The following TSPOAP1 variants were observed in gnomAD, a reference collection of about 807,000 sequenced individuals.
TSPOAP1 encodes the protein peripheral-type benzodiazepine receptor-associated protein 1.
A neutral mutation model predicts 197.0 loss-of-function variants in TSPOAP1; 87 were observed. The observed-to-expected ratio is 0.44, with a 90% CI of 0.37 to 0.53. The LOEUF is 0.53. Among genes scored for constraint, TSPOAP1 ranks in the 20% least tolerant of loss-of-function variants. TSPOAP1 has a pLI of 0.00. For missense variants in TSPOAP1, 2,174 were observed against 2,411.3 expected, an observed-to-expected ratio of 0.90 and a Z score of 2.06; for synonymous variants, 913 against 998.9, an observed-to-expected ratio of 0.91 and a Z score of 1.62.
Position 58,309,248 on chromosome 17 carries a change from C to A in TSPOAP1, c.4024G>T (p.Asp1342Tyr). 3 of 1,613,986 alleles carry A rather than the reference C, an allele frequency of 1.9e-6. No individual in the cohort carries two copies. The highest frequency in any genetic ancestry group is 2.5e-6 in the Non-Finnish European group (3 of 1,179,948). ...IPEEEEEEEE[D>Y]EEEEKSGAGC... ...GCCCCTGACTTCTCCTCCTCCTCGT[C>A]CTCCTCTTCCTCTTCCTCCTCCTCC... is the stretch of plus-strand genomic sequence containing the variant. Residue 1342 changes from aspartate (D) to tyrosine (Y), a missense_variant, in exon 22 of 32, where the codon GAC (aspartate) becomes TAC (tyrosine). Physicochemically the swap from Asp to Tyr is radical, Grantham distance 160. Coordinates refer to ENST00000343736, the MANE Select transcript of TSPOAP1 (RefSeq NM_004758.4). The surrounding 1 kb of genome is among the most constrained non-coding windows in gnomAD (Gnocchi z 5.0).
chr17:58,305,221 C>A, intron 29 of TSPOAP1, 50 bp from the exon 30 acceptor site: 3 of 1,526,008 alleles, frequency 2.0e-6, no homozygotes, highest in Non-Finnish European at 2.7e-6. Context: ...GGCTCTGGCC[C>A]TGCCCCTCGA....
At chr17:58,319,921 C>T (rs781125825) in intron 12 of TSPOAP1, among the ~76,000 whole-genome samples, 188 bp downstream of exon 12, 80 of 150,580 alleles carry the variant, frequency 5.3e-4, no homozygotes, top group African/African-American at 1.6e-3. Flanking sequence ...ACAGACACGG[C>T]GGCAGGCCTG....
chr17:58,305,106 TG>T lies in TSPOAP1; in HGVS notation c.5498del (p.Ala1833GlufsTer29). On this transcript the variant is annotated frameshift_variant, in exon 30 of 32. Coordinates refer to ENST00000343736, the MANE Select transcript of TSPOAP1 (RefSeq NM_004758.4). LOFTEE classifies it high-confidence loss of function. The part of the protein sequence containing the change: ...SNFLEGPGPE[A>X]GGLDREPRTP... ...TCCTGGGTTCCCTGTCCAGGCCGCC[TG>T]CCTCAGGCCCAGGGCCCTCCAGGAA... is the stretch of plus-strand genomic sequence containing the variant. 1 of 1,614,016 alleles carries T rather than the reference TG, an allele frequency of 6.2e-7. No individual in the cohort carries two copies.
chr17:58,305,946 G>A (rs754148476), intron 26 of TSPOAP1, 81 bp from the exon 27 acceptor site: 15 of 1,400,226 alleles, frequency 1.1e-5, no homozygotes, highest in South Asian at 7.2e-5. Context: ...CCAGACACTC[G>A]CCCACACACA....
chr17:58,310,556 A>C lies in TSPOAP1; in HGVS notation c.3655T>G (p.Cys1219Gly). 6.2e-7 allele frequency: 1 copy of C among 1,613,312 alleles called. No individual in the cohort carries two copies. Among genetic ancestry groups the C allele is most frequent in the Non-Finnish European group, 8.5e-7 (1 of 1,179,990 alleles). The change falls in exon 20 of 32, where the codon TGC becomes GGC. Residue 1219 changes from cysteine to glycine, a missense_variant. Cys to Gly is a radical substitution (Grantham distance 159). This residue lies in a region of TSPOAP1 where 1,933 missense variants were observed against 2,139.0 expected (regional missense o/e 0.90). Transcript: ENST00000343736. The part of the protein sequence containing the change: ...RAQQAPNTEM[C>G]QGGDPGSGLR... The stretch of plus-strand genomic sequence containing the variant: ...CCAGACCCTGGGTCTCCTCCTTGGC[A>C]CATCTCGGTATTTGGCGCCTGCTGG...
chr17:58,325,564 C>T lies in TSPOAP1; in HGVS notation c.720G>A (p.Glu240=), dbSNP rs764330448. The T allele has an allele frequency of 1.2e-6, 2 of 1,612,782 alleles. No individual in the cohort carries two copies. The highest frequency in any genetic ancestry group is 2.7e-5 in the African/African-American group (2 of 74,934). Residue 240 remains glutamate, a synonymous_variant, in exon 4 of 32, where the codon GAG becomes GAA. Coordinates refer to ENST00000343736, the MANE Select transcript of TSPOAP1 (RefSeq NM_004758.4). ...CCACCAGAGTGAGCCTGGCCTGCAG[C>T]TCCCTGCACTCCCGCTGCAAGGCAG... ...QIAALQRECR[E]LQARLTLVGK...
chr17:58,327,992 C>CATGCCAG lies in TSPOAP1; in HGVS notation c.-79_-73dup. ...GCCAGGTGGGGGGACTGGCGAGGGTCATGCCAGGCCAGCCCCTCTCCCCTC... is the reference window on the plus strand; with the variant it reads ...GCCAGGTGGGGGGACTGGCGAGGGTCATGCCAGATGCCAGGCCAGCCCCTCTCCCCTC... On this transcript the variant is annotated 5_prime_UTR_variant, in exon 1 of 32. In the 5' UTR this introduces an upstream ATG that the reference lacks. Coordinates refer to ENST00000343736, the MANE Select transcript of TSPOAP1 (RefSeq NM_004758.4). The CATGCCAG allele has an allele frequency of 7.5e-7, 1 of 1,328,418 alleles. No individual in the cohort carries two copies. The highest frequency in any genetic ancestry group is 2.5e-5 in the East Asian group (1 of 39,944). 82.3% of individuals were successfully genotyped at this position (1,328,418 alleles called of 1,614,324 possible). A position where few individuals can be genotyped will look rare whatever the true frequency, so the allele number is the denominator to read the frequency against.
rs3744098 is a variant in TSPOAP1 at position 58,311,055 on chromosome 17, C to G, written c.3240G>C (p.Pro1080=). The G allele has an allele frequency of 1.5e-5, 24 of 1,580,448 alleles. No homozygotes were observed. In the Admixed American group the frequency reaches 1.8e-4, roughly 12 times the overall value. The change falls in exon 19 of 32, where the codon CCG becomes CCC. Residue 1080 remains proline, a synonymous_variant. Transcript: ENST00000343736. Reference sequence around the variant, plus strand: ...AGGAGACTCGGGCTGGCAGGCTGGCCGGAGCCAGGGCGGGAGTGATAGGAG... The same window carrying G: ...AGGAGACTCGGGCTGGCAGGCTGGCGGGAGCCAGGGCGGGAGTGATAGGAG... ...IPAPITPALA[P]ASLPARVSCP...
intron 15 of TSPOAP1, 141 bp from the exon 16 acceptor site, chr17:58,316,273 G>A (rs995630011): frequency 2.9e-6 from 3 of 1,050,794 alleles, no homozygotes; most frequent in African/African-American, 1.6e-5. Flanking sequence ...AGCCCTCACT[G>A]CACCCACCTT....
Position 58,319,135 on chromosome 17 carries a change from AG to A in TSPOAP1, c.1653del (p.Cys552AlafsTer80). ...CGSLGDCPPP[P>X]CCCSIPQPCR... ...CAAGGCTGGGGAATGGAGCAGCAGC[AG>A]GGGGGTGGTGGGCAGTCTCCAAGGC... On this transcript the variant is annotated frameshift_variant, in exon 13 of 32. Coordinates refer to ENST00000343736, the MANE Select transcript of TSPOAP1 (RefSeq NM_004758.4). LOFTEE classifies it high-confidence loss of function. 2.6e-6 allele frequency: 4 copies of A among 1,549,772 alleles called. No individual in the cohort carries two copies. The highest frequency in any genetic ancestry group is 3.5e-6 in the Non-Finnish European group (4 of 1,144,546).
intron 4 of TSPOAP1, 131 bp from the exon 5 acceptor site, chr17:58,325,133 G>T (rs1971538912): frequency 2.5e-6 from 2 of 808,154 alleles, no homozygotes; most frequent in Non-Finnish European, 1.9e-6. Flanking sequence ...CCTCCCATGG[G>T]TACATGCCTG....
chr17:58,307,256 G>C (rs1304361511), intron 24 of TSPOAP1, among the ~76,000 whole-genome samples: 1 of 152,172 alleles, frequency 6.6e-6, no homozygotes, highest in Non-Finnish European at 1.5e-5. Context: ...TCAATACTTG[G>C]AGGAGTAATA....
intron 25 of TSPOAP1, 27 bp from the exon 26 acceptor site, chr17:58,306,440 G>A (rs748843840): frequency 7.4e-5 from 114 of 1,543,074 alleles, no homozygotes; most frequent in Admixed American, 2.4e-4. Flanking sequence ...GAGAGAAAGC[G>A]AGGCAGGGGA....
At position 58,307,533 on chromosome 17, in the gene TSPOAP1, C is replaced by T; in HGVS notation, c.4983+78G>A. ...GTTCTCCACCATGATTCTGTGCTAC[C>T]TCCAGTGGAGGAAAGGAGGGAGGAG... On this transcript the variant is annotated intron_variant, in intron 24 of 31. Transcript: ENST00000343736. The T allele has an allele frequency of 5.9e-6, 9 of 1,531,548 alleles. No individual in the cohort carries two copies. In the South Asian group the frequency reaches 1.1e-4, roughly 18 times the overall value. 94.9% of individuals were successfully genotyped at this position (1,531,548 alleles called of 1,614,324 possible). A position where few individuals can be genotyped will look rare whatever the true frequency, so the allele number is the denominator to read the frequency against.
At position 58,305,461 on chromosome 17, in the gene TSPOAP1, G is replaced by A. The variant is rs1030972459; in HGVS notation, c.5362-3C>T. 2.5e-6 allele frequency: 4 copies of A among 1,613,800 alleles called. No individual in the cohort carries two copies. Among genetic ancestry groups the A allele is most frequent in the African/African-American group, 2.7e-5 (2 of 74,916 alleles). The stretch of plus-strand genomic sequence containing the variant: ...CCTGCCCGGAAGGGCAGCTCTGCCT[G>A]TGGAAAACAAGAGGAGGGCATCAGG... On this transcript the variant is annotated splice_region_variant and splice_polypyrimidine_tract_variant and intron_variant, in intron 28 of 31. Transcript: ENST00000343736.
rs1347210715 is a variant in TSPOAP1, at chr17:58,324,956, C to T, written c.797G>A (p.Arg266His). 2 of 1,539,698 alleles carry T rather than the reference C, an allele frequency of 1.3e-6. No individual in the cohort carries two copies. Among genetic ancestry groups the T allele is most frequent in the Non-Finnish European group, 8.7e-7 (1 of 1,144,576 alleles). ...CCGCAGCACCTCCCGCTGGGACTCG[C>T]GCAGCAGCCGATCGAAGTCCCGCAC... Reference protein sequence around the residue: ...LHVRDFDRLLRESQREVLRLQ... With the variant: ...LHVRDFDRLLHESQREVLRLQ... The change falls in exon 5 of 32, where the codon CGC becomes CAC. Residue 266 changes from arginine to histidine, a missense_variant. Coordinates refer to ENST00000343736, the MANE Select transcript of TSPOAP1 (RefSeq NM_004758.4). This position sits in a 1 kb window ranked among gnomAD's most constrained non-coding sequence, Gnocchi z 5.8.
chr17:58,318,808 A>G (rs528741486), intron 13 of TSPOAP1, among the ~76,000 whole-genome samples: 1 of 152,264 alleles, frequency 6.6e-6, no homozygotes, highest in South Asian at 2.1e-4. Context: ...ACAAGGCCAC[A>G]CTGCCTGCTA....
chr17:58,327,757 A>T lies in TSPOAP1; in HGVS notation c.164T>A (p.Leu55Gln). ...GGGCTTGGAACTCTCCTCAGACCTC[A>T]GTTCTTGAAGCTGCAGAGCTGCCGG... is the stretch of plus-strand genomic sequence containing the variant. Reference protein sequence around the residue: ...TPPAALQLQELRSEESSKPKG... With the variant: ...TPPAALQLQEQRSEESSKPKG... Residue 55 changes from leucine (L) to glutamine (Q), a missense_variant, in exon 1 of 32, where the codon CTG becomes CAG. By Grantham distance (113) the Leu-to-Gln change is moderately radical. Transcript: ENST00000343736. 2 of 1,614,204 alleles carry T rather than the reference A, an allele frequency of 1.2e-6. No homozygotes were observed. The highest frequency in any genetic ancestry group is 1.7e-6 in the Non-Finnish European group (2 of 1,180,036).
chr17:58,307,733 C>A lies in TSPOAP1; in HGVS notation c.4861G>T (p.Ala1621Ser). 6.2e-7 allele frequency: 1 copy of A among 1,614,148 alleles called. No homozygotes were observed. The highest frequency in any genetic ancestry group is 1.1e-5 in the South Asian group (1 of 91,086). Residue 1621 changes from alanine (A) to serine (S), a missense_variant, in exon 24 of 32, where the codon GCT becomes TCT. By Grantham distance (99) the Ala-to-Ser change is moderately conservative. This residue lies in a region of TSPOAP1 where 1,933 missense variants were observed against 2,139.0 expected (regional missense o/e 0.90). Coordinates refer to ENST00000343736, the MANE Select transcript of TSPOAP1 (RefSeq NM_004758.4). ...ATCCTGACGGGTAGGTGCTGGTAAG[C>A]CAGTGTTTCTGAGGGGCTCCTCGCA... ...VPARSPSETLAYQHLPVRIFV... is the reference protein window; with the variant it reads ...VPARSPSETLSYQHLPVRIFV...
Sources: allele counts gnomAD v4.1 joint callset (sites outside exome capture counted in the v4.1 genomes callset), GRCh38; gene constraint gnomAD v4.1.1; regional missense constraint gnomAD v4.1.1; non-coding constraint Gnocchi (gnomAD v3.1); transcripts MANE v1.5; gene names NCBI Gene and HGNC (gene_info 2026-07-23, HGNC 2026-07-21).